DIAPH2: variants seen among roughly 807,000 people sequenced by gnomAD.
DIAPH2 encodes diaphanous related formin 2, also known as protein diaphanous homolog 2.
A neutral mutation model predicts 92.7 loss-of-function variants in DIAPH2; 35 were observed. The ratio of observed to expected loss-of-function variants is 0.38; its 90% confidence interval spans 0.29 to 0.50. The LOEUF (loss-of-function observed/expected upper bound fraction) is 0.50, where lower values mean the gene tolerates loss of function less well. Among genes scored for constraint, DIAPH2 ranks in the 20% least tolerant of loss-of-function variants. The probability of loss-of-function intolerance (pLI) is 0.94; values close to 1 mark genes in which losing one functional copy is unlikely to be tolerated. For missense variants in DIAPH2, 701 were observed against 819.5 expected, an observed-to-expected ratio of 0.86 and a Z score of 1.77; for synonymous variants, 301 against 280.4, an observed-to-expected ratio of 1.07 and a Z score of -0.73.
chrX:96,803,336 A>T (rs2064598627), intron 4 of DIAPH2, among the ~76,000 whole-genome samples: 1 of 112,013 alleles, frequency 8.9e-6, no homozygotes, highest in African/African-American at 3.2e-5. Flanking sequence ...TTTTATTTTT[A>T]AAATTAAAGA....
At chrX:97,108,174 AT>A (rs1190529123) in intron 20 of DIAPH2, among the ~76,000 whole-genome samples, 3 of 109,133 alleles carry the variant, frequency 2.7e-5, no homozygotes, top group Admixed American at 9.8e-5. Flanking sequence ...CACTTCTTTT[AT>A]TTTTTTTTAA....
intron 17 of DIAPH2, among the ~76,000 whole-genome samples, chrX:96,986,835 T>C (rs1353878720): frequency 9.0e-6 from 1 of 111,376 alleles, no homozygotes; most frequent in Non-Finnish European, 1.9e-5. Flanking sequence ...TAACTTTTAA[T>C]GAAGGCACCA....
At chrX:97,023,914 C>G (rs760313338) in intron 17 of DIAPH2, among the ~76,000 whole-genome samples, 1 of 112,119 alleles carries the variant, frequency 8.9e-6, no homozygotes, top group South Asian at 3.7e-4. Flanking sequence ...AGATGACAAA[C>G]CTGCTTCAAT....
chrX:97,456,770 A>G (rs992201365), intron 26 of DIAPH2, among the ~76,000 whole-genome samples: 4 of 111,830 alleles, frequency 3.6e-5, no homozygotes, highest in African/African-American at 1.3e-4. Context: ...AGCTTCCACA[A>G]TGATCAATTC....
chrX:96,989,752 C>T (rs1874073), intron 17 of DIAPH2, among the ~76,000 whole-genome samples: 32,389 of 110,142 alleles, frequency 0.29, 4,342 homozygotes, highest in South Asian at 0.49. Context: ...TGGAGGGCCC[C>T]TGGGAAGTAT....
At chrX:97,473,603 G>T (rs1247935039) in intron 26 of DIAPH2, among the ~76,000 whole-genome samples, 1 of 111,891 alleles carries the variant, frequency 8.9e-6, no homozygotes, top group Non-Finnish European at 1.9e-5. Context: ...CCAAAGTGCT[G>T]GCATTATAGG....
intron 23 of DIAPH2, among the ~76,000 whole-genome samples, chrX:97,254,044 G>T (rs762112001): frequency 2.4e-4 from 27 of 111,984 alleles, no homozygotes; most frequent in African/African-American, 8.8e-4. Context: ...CTTGCTGAAG[G>T]CAGGCAAGGC....
At chrX:96,831,897 C>T (rs1410477132) in intron 4 of DIAPH2, among the ~76,000 whole-genome samples, 2 of 111,369 alleles carry the variant, frequency 1.8e-5, no homozygotes, top group African/African-American at 6.5e-5. Context: ...GTAGAATATT[C>T]AGAGTGGCAT....
chrX:97,274,644 GT>G (rs1005786306), intron 23 of DIAPH2, among the ~76,000 whole-genome samples: 1 of 92,975 alleles, frequency 1.1e-5, no homozygotes, highest in Non-Finnish European at 2.2e-5. Context: ...TTTTTTTTTT[GT>G]TTTTTTGTTT....
intron 4 of DIAPH2, among the ~76,000 whole-genome samples, chrX:96,799,643 A>G (rs922176372): frequency 1.8e-5 from 2 of 110,521 alleles, no homozygotes; most frequent in Non-Finnish European, 3.8e-5. Context: ...CCCCGTCTCT[A>G]TTAAAAATAC....
intron 7 of DIAPH2, among the ~76,000 whole-genome samples, chrX:96,915,885 A>C (rs1355428553): frequency 1.8e-5 from 2 of 111,595 alleles, no homozygotes; most frequent in African/African-American, 6.5e-5. Flanking sequence ...CCATTTCTTT[A>C]GGTTCACAGC....
At position 97,268,814 on chromosome X, in the gene DIAPH2, G is replaced by A. The variant is rs146380778; in HGVS notation, c.2844+20975G>A. ...AGCTGAACTGAAATGATCAAGCAGC[G>A]TTCTTGTATTCAGGCACTGTTCTTT... On this transcript the variant is annotated intron_variant, in intron 23 of 26. Coordinates refer to ENST00000324765, the MANE Select transcript of DIAPH2 (RefSeq NM_006729.5). Among the ~76,000 whole-genome samples the A allele has an allele frequency of 5.8e-3, 614 of 106,274 alleles. 6 individuals carry two copies. Among genetic ancestry groups the A allele is most frequent in the African/African-American group, 0.02 (582 of 29,076 alleles). 92.3% of individuals were successfully genotyped at this position (106,274 alleles called of 115,157 possible).
Position 96,962,274 on chromosome X carries a change from CATATATATATACAT to C in DIAPH2, c.1936-2795_1936-2782del, listed in dbSNP as rs1371066678. On this transcript the variant is annotated intron_variant, in intron 16 of 26. Transcript: ENST00000324765. ...AGTGATGCCTTTCTATATATATATA[CATATATATATACAT>C]ATATATATATACATATATATATACA... Among the ~76,000 whole-genome samples the C allele has an allele frequency of 2.2e-3, 158 of 72,019 alleles. 1 individual carries two copies. The highest frequency in any genetic ancestry group is 3.4e-3 in the Non-Finnish European group (131 of 38,435). The allele number at this position is 72,019 out of a possible 115,157, so 62.5% of individuals were successfully genotyped here.
At chrX:96,692,433 T>C (rs1390050009) in intron 1 of DIAPH2, among the ~76,000 whole-genome samples, 1 of 112,214 alleles carries the variant, frequency 8.9e-6, no homozygotes, top group East Asian at 2.8e-4. Context: ...CTAATTGATA[T>C]ACATGTCACT....
intron 26 of DIAPH2, among the ~76,000 whole-genome samples, chrX:97,573,656 GTT>G (rs1179976009): frequency 1.0e-5 from 1 of 96,588 alleles, no homozygotes. Context: ...GGGTTTTTTT[GTT>G]TTTTTTTTTG....
At chrX:96,985,968 A>G (rs1251043672) in intron 17 of DIAPH2, among the ~76,000 whole-genome samples, 1 of 111,157 alleles carries the variant, frequency 9.0e-6, no homozygotes, top group African/African-American at 3.3e-5. Context: ...CGATATGTCA[A>G]CTTATCAAAA....
chrX:97,181,862 A>G (rs1202569297), intron 22 of DIAPH2, among the ~76,000 whole-genome samples: 2 of 112,766 alleles, frequency 1.8e-5, no homozygotes, highest in Non-Finnish European at 3.7e-5. Context: ...GCAAGCAATA[A>G]TATGCTATAA....
Position 96,684,960 on chromosome X carries a change from T to C in DIAPH2, c.-99T>C. The C allele has an allele frequency of 1.1e-6, 1 of 899,643 alleles. No individual in the cohort carries two copies. The highest frequency in any genetic ancestry group is 1.4e-6 in the Non-Finnish European group (1 of 712,833). The allele number at this position is 899,643 out of a possible 1,213,427, so 74.1% of individuals were successfully genotyped here. ...AGACACTCTCTCCCTCAGGAAGAGG[T>C]GCCGCCGAGTCAGCGCGGGGCAGTG... On this transcript the variant is annotated 5_prime_UTR_variant, in exon 1 of 27. Transcript: ENST00000324765.
intron 26 of DIAPH2, among the ~76,000 whole-genome samples, chrX:97,507,383 T>C (rs1198598356): frequency 1.8e-5 from 2 of 111,007 alleles, no homozygotes; most frequent in Admixed American, 9.7e-5. Flanking sequence ...TAAATCTTTA[T>C]ATGAAGAATT....
Sources: allele counts gnomAD v4.1 joint callset (sites outside exome capture counted in the v4.1 genomes callset), GRCh38; gene constraint gnomAD v4.1.1; transcripts MANE v1.5; gene names NCBI Gene and HGNC (gene_info 2026-07-23, HGNC 2026-07-21).